The following DLST variants were observed in gnomAD, a reference collection of about 807,000 sequenced individuals.
DLST encodes the protein dihydrolipoamide S-succinyltransferase.
Under a neutral mutation model 53.1 loss-of-function variants are expected in DLST, and 17 were observed. That is an observed-to-expected ratio of 0.32 (90% CI 0.22 to 0.48). DLST has a LOEUF of 0.48. DLST is among the 20% of genes least tolerant of loss of function. The probability of loss-of-function intolerance (pLI) is 0.99; values close to 1 mark genes in which losing one functional copy is unlikely to be tolerated. For synonymous variants in DLST, 206 were observed against 204.8 expected (o/e 1.01, Z -0.05); for missense variants, 512 against 583.9 (o/e 0.88, Z 1.27).
At chr14:74,883,527 TAAAAA>T (rs1380074186) in intron 2 of DLST, among the ~76,000 whole-genome samples, 3 of 152,078 alleles carry the variant, frequency 2.0e-5, no homozygotes, top group Non-Finnish European at 4.4e-5. Context: ...TCCTAGCAGT[TAAAAA>T]GAAAAAAGTG....
intron 10 of DLST, 79 bp downstream of exon 10, chr14:74,894,488 C>A (rs952577811): frequency 5.9e-6 from 8 of 1,367,426 alleles, no homozygotes; most frequent in East Asian, 2.4e-5. Context: ...TTATCTAGTG[C>A]TGATTCTAAA....
chr14:74,882,635 C>T lies in DLST; in HGVS notation c.97+11C>T. The T allele has an allele frequency of 1.2e-6, 2 of 1,613,452 alleles. No individual in the cohort carries two copies. Among genetic ancestry groups the T allele is most frequent in the East Asian group, 2.2e-5 (1 of 44,874 alleles). On this transcript the variant is annotated intron_variant, in intron 2 of 14. Transcript: ENST00000334220. ...GACGTTCCCTGCCTGGTAAGTTCTG[C>T]CCTTACCGTCACCTAAAATGCTCTC...
At chr14:74,889,605 A>C (rs907998804) in intron 5 of DLST, 1 of 536,300 alleles carries the variant, frequency 1.9e-6, no homozygotes, top group Non-Finnish European at 3.3e-6. Context: ...TCCTGACCTC[A>C]GGTGATCTGC....
At position 74,891,665 on chromosome 14, in the gene DLST, G is replaced by A. The variant is rs915059783; in HGVS notation, c.442+498G>A. 2.2e-4 allele frequency: 219 copies of A among 984,496 alleles called. 1 individual carries two copies. The highest frequency in any genetic ancestry group is 2.5e-4 in the Non-Finnish European group (206 of 829,154). The allele number at this position is 984,496 out of a possible 1,614,324, so 61.0% of individuals were successfully genotyped here. On this transcript the variant is annotated intron_variant, in intron 7 of 14. Coordinates refer to ENST00000334220, the MANE Select transcript of DLST (RefSeq NM_001933.5). ...TTGGGAAGAAATGAGAAACGAATTT[G>A]TACTGGACCTGATAGGATTAGAGAT... is the stretch of plus-strand genomic sequence containing the variant.
chr14:74,898,448 T>C lies in DLST; in HGVS notation c.850T>C (p.Phe284Leu), dbSNP rs766806169. 1.1e-5 allele frequency: 17 copies of C among 1,614,064 alleles called. No homozygotes were observed. Among genetic ancestry groups the C allele is most frequent in the African/African-American group, 1.3e-5 (1 of 75,036 alleles). Residue 284 changes from phenylalanine to leucine, a missense_variant, in exon 11 of 15, where the codon TTT becomes CTT. Physicochemically the swap from Phe to Leu is conservative, Grantham distance 22. Transcript: ENST00000334220. The part of the protein sequence containing the change: ...HNLKLGFMSA[F>L]VKASAFALQE... ...CCTCAAACTAGGCTTCATGTCGGCA[T>C]TTGTGAAGGCCTCAGCCTTTGCCTT...
At chr14:74,886,927 C>T (rs903371463) in intron 3 of DLST, among the ~76,000 whole-genome samples, 3 of 151,646 alleles carry the variant, frequency 2.0e-5, no homozygotes, top group African/African-American at 4.8e-5. Context: ...TTAGTAGAGA[C>T]GGGGTTTCAT....
rs1369794987 is a variant in DLST at position 74,882,591 on chromosome 14, G to C, written c.64G>C (p.Gly22Arg). 1.2e-6 allele frequency: 2 copies of C among 1,613,792 alleles called. No homozygotes were observed. Among genetic ancestry groups the C allele is most frequent in the Non-Finnish European group, 1.7e-6 (2 of 1,179,924 alleles). ...FSRSLSAFQK[G>R]NCPLGRRSLP... ...TCGATAATGTCTTCTTTCTCAACAG[G>C]GGAACTGCCCTCTAGGGAGACGTTC... Residue 22 changes from glycine to arginine, a missense_variant and splice_region_variant, in exon 2 of 15, where the codon GGG becomes CGG. Gly to Arg is a moderately radical substitution (Grantham distance 125, BLOSUM62 -2). Around this residue, in one of 4 missense-constraint regions of DLST, gnomAD observed 129 missense variants for 90.9 expected, o/e 1.42. Transcript: ENST00000334220.
intron 2 of DLST, among the ~76,000 whole-genome samples, chr14:74,885,195 T>G (rs1352268889): frequency 6.6e-6 from 1 of 152,246 alleles, no homozygotes; most frequent in Admixed American, 6.5e-5. Context: ...AGTCACAGGA[T>G]AAGCCATCCC....
At chr14:74,884,035 CAGCTTGGGA>C (rs1566788193) in intron 2 of DLST, among the ~76,000 whole-genome samples, 3 of 152,098 alleles carry the variant, frequency 2.0e-5, no homozygotes, top group Admixed American at 1.3e-4. Flanking sequence ...TGATGTAGAC[CAGCTTGGGA>C]AGGTTGGGAA....
rs747142269 is a variant in DLST, at chr14:74,889,367, A to T, written c.274+18A>T. ...GGAGAAAGGTAAGATTTAGTTTCCT[A>T]TTTTTTTTTTTTTTTTTTTTGAGAC... On this transcript the variant is annotated intron_variant, in intron 5 of 14. Transcript: ENST00000334220. The T allele has an allele frequency of 7.6e-3, 9,139 of 1,209,432 alleles. 25 individuals carry two copies. Among genetic ancestry groups the T allele is most frequent in the South Asian group, 0.012 (769 of 62,118 alleles). The allele number at this position is 1,209,432 out of a possible 1,614,324, so 74.9% of individuals were successfully genotyped here. A position where few individuals can be genotyped will look rare whatever the true frequency, so the allele number is the denominator to read the frequency against.
At chr14:74,884,975 A>G (rs1883653617) in intron 2 of DLST, among the ~76,000 whole-genome samples, 1 of 152,224 alleles carries the variant, frequency 6.6e-6, no homozygotes, top group South Asian at 2.1e-4. Flanking sequence ...CCTTGTTGAG[A>G]GTGACCAGGG....
intron 3 of DLST, among the ~76,000 whole-genome samples, chr14:74,887,779 T>C: frequency 6.6e-6 from 1 of 152,246 alleles, no homozygotes. Flanking sequence ...CTTTACAAGG[T>C]TACAAACTAT....
At position 74,902,981 on chromosome 14, in the gene DLST, G is replaced by GT. The variant is rs555115025; in HGVS notation, c.*652dup. 9.7e-4 allele frequency: 148 copies of GT among 152,764 alleles called. No homozygotes were observed. Among genetic ancestry groups the GT allele is most frequent in the Non-Finnish European group, 1.0e-3 (69 of 68,084 alleles). 9.5% of individuals were successfully genotyped at this position (152,764 alleles called of 1,614,324 possible). On this transcript the variant is annotated 3_prime_UTR_variant, in exon 15 of 15. Coordinates refer to ENST00000334220, the MANE Select transcript of DLST (RefSeq NM_001933.5). ...CAGAGGTCCCCTGAGGTCATGCATT[G>GT]TAATCATCATAGAAGGAGAGCCCAG...
Position 74,882,630 on chromosome 14 carries a change from TTCTGCCCTTACCG to T in DLST, c.97+9_97+21del. ...AGGGAGACGTTCCCTGCCTGGTAAGTTCTGCCCTTACCGTCACCTAAAATGCTCTCCTCCTGGG... is the reference window on the plus strand; with the variant it reads ...AGGGAGACGTTCCCTGCCTGGTAAGTTCACCTAAAATGCTCTCCTCCTGGG... On this transcript the variant is annotated splice_region_variant and intron_variant, in intron 2 of 14. Transcript: ENST00000334220. 1 of 1,613,820 alleles carries T rather than the reference TTCTGCCCTTACCG, an allele frequency of 6.2e-7. No homozygotes were observed. The highest frequency in any genetic ancestry group is 8.5e-7 in the Non-Finnish European group (1 of 1,179,850).
chr14:74,896,168 A>G (rs1884073330), intron 10 of DLST, among the ~76,000 whole-genome samples: 1 of 152,368 alleles, frequency 6.6e-6, no homozygotes, highest in South Asian at 2.1e-4. Context: ...AAGAATTTTT[A>G]AACAGGTCTT....
rs770967317 is a variant in DLST at position 74,900,000 on chromosome 14, T to C, written c.975+4T>C. The C allele has an allele frequency of 6.2e-7, 1 of 1,611,566 alleles. No homozygotes were observed. The highest frequency in any genetic ancestry group is 1.1e-5 in the South Asian group (1 of 90,916). On this transcript the variant is annotated splice_donor_region_variant and intron_variant, in intron 12 of 14. Coordinates refer to ENST00000334220, the MANE Select transcript of DLST (RefSeq NM_001933.5). ...TGTTGCAGTGGCCACCCCACGGGTATGTTGGGGCAGGAGGTGGGGAATGTT... is the reference window on the plus strand; with the variant it reads ...TGTTGCAGTGGCCACCCCACGGGTACGTTGGGGCAGGAGGTGGGGAATGTT...
chr14:74,890,124 C>CTT lies in DLST; in HGVS notation c.330+194_330+195dup, dbSNP rs34237381. 4.6e-3 allele frequency among the ~76,000 whole-genome samples: 388 copies of CTT among 85,050 alleles called. 1 individual carries two copies. Among genetic ancestry groups the CTT allele is most frequent in the Non-Finnish European group, 5.7e-3 (274 of 48,408 alleles). 55.8% of individuals were successfully genotyped at this position (85,050 alleles called of 152,430 possible). On this transcript the variant is annotated intron_variant, in intron 6 of 14. Coordinates refer to ENST00000334220, the MANE Select transcript of DLST (RefSeq NM_001933.5). ...AAAAAAAACAACTTTTTACATTTAACTTTTTTTTTTTTTTTTTTTTTTTGA... is the reference window on the plus strand; with the variant it reads ...AAAAAAAACAACTTTTTACATTTAACTTTTTTTTTTTTTTTTTTTTTTTTTGA...
chr14:74,901,592 A>C (rs1259737180), intron 14 of DLST, among the ~76,000 whole-genome samples: 2 of 152,216 alleles, frequency 1.3e-5, no homozygotes, highest in African/African-American at 4.8e-5. Context: ...TATGCATGTC[A>C]GTCTGTGAGC....
chr14:74,893,760 C>T (rs1053313602), intron 9 of DLST, among the ~76,000 whole-genome samples: 3 of 152,160 alleles, frequency 2.0e-5, no homozygotes, highest in African/African-American at 7.2e-5. Flanking sequence ...GTTTAGTGAG[C>T]TCTATTCCTA....
Sources: gnomAD v4.1 joint callset for allele counts (sites outside exome capture counted in the v4.1 genomes callset) on GRCh38, gnomAD v4.1.1 for gene constraint, gnomAD v4.1.1 regional missense constraint, MANE v1.5 for transcripts, NCBI Gene and HGNC (gene_info 2026-07-23, HGNC 2026-07-21) for gene names.